The following NIPAL2 variants were observed in gnomAD, a reference collection of about 807,000 sequenced individuals.
NIPAL2 encodes NIPA-like protein 2.
In NIPAL2, 43 loss-of-function variants were observed where a neutral mutation model predicts 48.9. That is an observed-to-expected ratio of 0.88 (90% CI 0.69 to 1.13). The LOEUF is 1.13. NIPAL2 is among the 50% of genes most tolerant of loss of function. The pLI is 0.00. For synonymous variants in NIPAL2, 167 were observed against 174.6 expected, an observed-to-expected ratio of 0.96 and a Z score of 0.34; for missense variants, 446 against 461.4, an observed-to-expected ratio of 0.97 and a Z score of 0.31.
At position 98,285,621 on chromosome 8, in the gene NIPAL2, GC is replaced by G. The variant is rs569830280; in HGVS notation, c.135+8381del. 2.1e-3 allele frequency among the ~76,000 whole-genome samples: 324 copies of G among 152,280 alleles called. 1 individual carries two copies. The highest frequency in any genetic ancestry group is 7.2e-3 in the African/African-American group (298 of 41,554). ...ACTGAGCATTCACCATATTTTTAAA[GC>G]CCCCCTGGATGGAGGCTTGACTGAA... is the stretch of plus-strand genomic sequence containing the variant. On this transcript the variant is annotated intron_variant, in intron 1 of 10. Coordinates refer to ENST00000430223, the MANE Select transcript of NIPAL2 (RefSeq NM_001321635.2).
rs1813404158 is a variant in NIPAL2 at position 98,248,259 on chromosome 8, G to A, written c.376+4204C>T. Among the ~76,000 whole-genome samples, 3 of 152,310 alleles carry A rather than the reference G, an allele frequency of 2.0e-5. No individual in the cohort carries two copies. In the South Asian group the frequency reaches 6.2e-4, roughly 32 times the overall value. ...ACTGCATAGATGAGAACAATAAAAA[G>A]CCTTTCTTGAATTGGTTTCTCCATT... On this transcript the variant is annotated intron_variant, in intron 3 of 10. Transcript: ENST00000430223.
At position 98,205,266 on chromosome 8, in the gene NIPAL2, A is replaced by T. The variant is rs1443190329; in HGVS notation, c.656-20T>A. 2 of 1,595,470 alleles carry T rather than the reference A, an allele frequency of 1.3e-6. No homozygotes were observed. The highest frequency in any genetic ancestry group is 1.7e-6 in the Non-Finnish European group (2 of 1,173,074). On this transcript the variant is annotated intron_variant, in intron 6 of 10. Transcript: ENST00000430223. ...ATGAGGCTGAAAAAGAAAACAAAAAACACAAATAAAGAACATATTTCAGAT... is the reference window on the plus strand; with the variant it reads ...ATGAGGCTGAAAAAGAAAACAAAAATCACAAATAAAGAACATATTTCAGAT...
chr8:98,262,719 C>T (rs1210921084), intron 1 of NIPAL2, among the ~76,000 whole-genome samples: 20 of 151,390 alleles, frequency 1.3e-4, no homozygotes, highest in African/African-American at 3.6e-4. Context: ...GACAGATCAA[C>T]GAGACAGAAA....
chr8:98,264,578 G>C (rs1364952399), intron 1 of NIPAL2, among the ~76,000 whole-genome samples: 1 of 151,096 alleles, frequency 6.6e-6, no homozygotes, highest in Non-Finnish European at 1.5e-5. Flanking sequence ...TACAAGGGAT[G>C]TGAAGGACCT....
At chr8:98,222,328 T>C (rs1811933966) in intron 5 of NIPAL2, 151 bp downstream of exon 5, 1 of 705,682 alleles carries the variant, frequency 1.4e-6, no homozygotes, top group African/African-American at 1.9e-5. Flanking sequence ...GCTGACTTAG[T>C]ATTTCAAATA....
chr8:98,257,680 G>A (rs1374283567), intron 1 of NIPAL2, among the ~76,000 whole-genome samples: 1 of 152,110 alleles, frequency 6.6e-6, no homozygotes, highest in Non-Finnish European at 1.5e-5. Flanking sequence ...AATTTACTAA[G>A]ACTCAGGCAC....
intron 1 of NIPAL2, among the ~76,000 whole-genome samples, chr8:98,272,158 A>C (rs1465164559): frequency 6.6e-6 from 1 of 152,180 alleles, no homozygotes; most frequent in East Asian, 1.9e-4. Flanking sequence ...TGAGAGGTTT[A>C]AGTTACCTTC....
chr8:98,207,749 G>A lies in NIPAL2; in HGVS notation c.656-2503C>T, dbSNP rs560953225. Among the ~76,000 whole-genome samples, 13 of 152,274 alleles carry A rather than the reference G, an allele frequency of 8.5e-5. No homozygotes were observed. In the South Asian group the frequency reaches 2.5e-3, roughly 29 times the overall value. Reference sequence around the variant, plus strand: ...TTGTTATTTTCCTATCTATAAGTATGAATAGGTTACAACATGTGAATCATA... The same window carrying A: ...TTGTTATTTTCCTATCTATAAGTATAAATAGGTTACAACATGTGAATCATA... On this transcript the variant is annotated intron_variant, in intron 6 of 10. Transcript: ENST00000430223.
intron 1 of NIPAL2, among the ~76,000 whole-genome samples, chr8:98,287,360 G>A (rs546456446): frequency 1.2e-4 from 18 of 152,258 alleles, no homozygotes; most frequent in Admixed American, 3.3e-4. Context: ...GATATCAAGT[G>A]CTCCAATTAG....
chr8:98,248,797 C>T (rs1360695511), intron 3 of NIPAL2, among the ~76,000 whole-genome samples: 2 of 152,098 alleles, frequency 1.3e-5, no homozygotes, highest in African/African-American at 2.4e-5. Flanking sequence ...AGATTTTGGA[C>T]GTATTATTCA....
chr8:98,236,217 A>T lies in NIPAL2; in HGVS notation c.377-3T>A. The T allele has an allele frequency of 6.3e-7, 1 of 1,597,454 alleles. No individual in the cohort carries two copies. The highest frequency in any genetic ancestry group is 1.1e-5 in the South Asian group (1 of 89,136). On this transcript the variant is annotated splice_region_variant and splice_polypyrimidine_tract_variant and intron_variant, in intron 3 of 10. Transcript: ENST00000430223. ...TGTAACAGAAATAATGGCACTACCT[A>T]TAAAGAAAATGGCCATTAGTGGTAG... is the stretch of plus-strand genomic sequence containing the variant.
At chr8:98,220,933 C>A (rs990721939) in intron 5 of NIPAL2, among the ~76,000 whole-genome samples, 1 of 147,626 alleles carries the variant, frequency 6.8e-6, no homozygotes, top group Non-Finnish European at 1.5e-5. Flanking sequence ...CCAGTTAACA[C>A]CTTCATATTT....
Position 98,261,176 on chromosome 8 carries a change from G to GA in NIPAL2, c.136-7090dup, listed in dbSNP as rs1814302517. On this transcript the variant is annotated intron_variant, in intron 1 of 10. Coordinates refer to ENST00000430223, the MANE Select transcript of NIPAL2 (RefSeq NM_001321635.2). ...AAGTAGATAAAACCACAAAGATGGG[G>GA]AAAAAACAGAACAGAAAAACTGGAA... is the stretch of plus-strand genomic sequence containing the variant. Among the ~76,000 whole-genome samples the GA allele has an allele frequency of 2.6e-5, 4 of 151,260 alleles. No homozygotes were observed. In the South Asian group the frequency reaches 6.3e-4, roughly 24 times the overall value.
chr8:98,253,342 T>C (rs1163952469), intron 2 of NIPAL2, among the ~76,000 whole-genome samples: 1 of 152,140 alleles, frequency 6.6e-6, no homozygotes, highest in Non-Finnish European at 1.5e-5. Context: ...TCCTGGGAGA[T>C]ATTTTGATGC....
intron 1 of NIPAL2, among the ~76,000 whole-genome samples, chr8:98,276,915 G>A (rs1159076495): frequency 6.6e-6 from 1 of 151,986 alleles, no homozygotes; most frequent in Non-Finnish European, 1.5e-5. Context: ...TGGAACTAGT[G>A]CATGCCACCA....
At chr8:98,286,827 A>C (rs941588426) in intron 1 of NIPAL2, among the ~76,000 whole-genome samples, 25 of 149,366 alleles carry the variant, frequency 1.7e-4, no homozygotes, top group African/African-American at 5.6e-4. Context: ...AAAAAAAAAA[A>C]AAAAAAACCA....
chr8:98,286,478 C>G (rs6468628), intron 1 of NIPAL2, among the ~76,000 whole-genome samples: 19,013 of 152,096 alleles, frequency 0.13, 1,290 homozygotes, highest in Middle Eastern at 0.23. Context: ...CATTAGGGAT[C>G]AGTCAGCACC....
chr8:98,203,852 G>GTA (rs1810911583), intron 7 of NIPAL2, among the ~76,000 whole-genome samples: 1 of 150,082 alleles, frequency 6.7e-6, no homozygotes, highest in South Asian at 2.1e-4. Flanking sequence ...GAGCCTGTGT[G>GTA]TGTGTGTGTG....
intron 1 of NIPAL2, among the ~76,000 whole-genome samples, chr8:98,255,426 C>A (rs1028818469): frequency 1.3e-5 from 2 of 152,126 alleles, no homozygotes; most frequent in East Asian, 3.8e-4. Context: ...ACAAAGAACC[C>A]TTTTCAGAAT....
Sources: allele counts gnomAD v4.1 joint callset (sites outside exome capture counted in the v4.1 genomes callset), GRCh38; gene constraint gnomAD v4.1.1; transcripts MANE v1.5; gene names NCBI Gene and HGNC (gene_info 2026-07-23, HGNC 2026-07-21).